The following PRH1 variants were observed in gnomAD, a reference collection of about 807,000 sequenced individuals.
The protein encoded by PRH1 is salivary acidic proline-rich phosphoprotein 1/2.
Under a neutral mutation model 7.9 loss-of-function variants are expected in PRH1, and 7 were observed. The observed-to-expected ratio is 0.89, with a 90% confidence interval of 0.50 to 1.67. The LOEUF (loss-of-function observed/expected upper bound fraction) is 1.67. Among genes scored for constraint, PRH1 ranks in the 40% most tolerant of loss-of-function variants. PRH1 has a pLI of 0.00. For synonymous variants in PRH1, 45 were observed against 80.8 expected (o/e 0.56, Z 2.38); for missense variants, 109 against 223.6 (o/e 0.49, Z 3.27).
At chr12:10,978,073 T>C (rs1939187393) in intron 1 of PRH1, among the ~76,000 whole-genome samples, 1 of 123,198 alleles carries the variant, frequency 8.1e-6, no homozygotes, top group Non-Finnish European at 1.8e-5. Flanking sequence ...AAAGTTCATA[T>C]GGAATAAAAA....
chr12:11,153,014 C>A (rs142634766), intron 1 of PRH1, among the ~76,000 whole-genome samples: 1 of 152,056 alleles, frequency 6.6e-6, no homozygotes, highest in East Asian at 1.9e-4. Flanking sequence ...CTGTTTCCAA[C>A]GGTAAAGGAG....
intron 1 of PRH1, among the ~76,000 whole-genome samples, chr12:11,086,340 G>C (rs1388265959): frequency 3.8e-5 from 1 of 26,044 alleles, no homozygotes; most frequent in East Asian, 2.3e-3. Context: ...CTTAAAAAAC[G>C]TGTTCCATTG....
chr12:10,969,281 G>A (rs775035254), intron 2 of PRH1, among the ~76,000 whole-genome samples: 26 of 152,002 alleles, frequency 1.7e-4, no homozygotes, highest in Admixed American at 3.3e-4. Context: ...TTCTCCTCTC[G>A]ATCTTCAGCC....
intron 2 of PRH1, among the ~76,000 whole-genome samples, chr12:10,907,182 G>C (rs925557341): frequency 3.3e-5 from 5 of 152,034 alleles, no homozygotes; most frequent in African/African-American, 9.7e-5. Flanking sequence ...ATAGAACTCT[G>C]GCAGTTTTTT....
chr12:11,148,255 T>C (rs1946934816), intron 1 of PRH1, among the ~76,000 whole-genome samples: 1 of 151,018 alleles, frequency 6.6e-6, no homozygotes, highest in South Asian at 2.1e-4. Context: ...TGACTTCCTC[T>C]TTTCCTAATT....
chr12:10,972,928 A>ACCCG (rs199859766), intron 2 of PRH1, among the ~76,000 whole-genome samples: 2 of 100,326 alleles, frequency 2.0e-5, no homozygotes, highest in Admixed American at 1.1e-4. Flanking sequence ...AAGCACCACA[A>ACCCG]CCCACCCCCC....
chr12:11,047,025 A>G (rs546703356), exon 1 of PRH1: 14 of 508,668 alleles, frequency 2.8e-5, no homozygotes, highest in Non-Finnish European at 5.7e-5. Flanking sequence ...CTCACCTCAT[A>G]TGGATAGATG....
intron 1 of PRH1, among the ~76,000 whole-genome samples, chr12:11,166,805 C>G (rs552783998): frequency 2.8e-4 from 43 of 152,274 alleles, no homozygotes; most frequent in African/African-American, 9.9e-4. Flanking sequence ...ATTTGTCTTA[C>G]TAAGCTAAAA....
intron 2 of PRH1, chr12:10,964,932 C>T: frequency 9.9e-6 from 6 of 603,468 alleles, no homozygotes; most frequent in South Asian, 8.3e-5. Context: ...AGATGACAAA[C>T]CAAAAATAAC....
intron 1 of PRH1, among the ~76,000 whole-genome samples, chr12:10,990,057 C>T (rs10772401): frequency 0.3 from 46,312 of 151,988 alleles, 8,913 homozygotes; most frequent in East Asian, 0.74. Flanking sequence ...GGAATCACAT[C>T]ACCTGACTTC....
chr12:11,020,363 G>GAGATATATATATAT (rs1565557194), intron 1 of PRH1, among the ~76,000 whole-genome samples: 2 of 87,584 alleles, frequency 2.3e-5, no homozygotes, highest in African/African-American at 7.8e-5. Flanking sequence ...TATGATAAGC[G>GAGATATATATATAT]ATATATATAT....
chr12:11,099,792 A>G (rs748074698), intron 1 of PRH1, among the ~76,000 whole-genome samples: 1 of 152,222 alleles, frequency 6.6e-6, no homozygotes, highest in Non-Finnish European at 1.5e-5. Flanking sequence ...GCAGAAAAAC[A>G]TAACTGATAA....
chr12:11,086,317 T>A (rs1390076342), intron 1 of PRH1, among the ~76,000 whole-genome samples: 3 of 126,436 alleles, frequency 2.4e-5, no homozygotes, highest in African/African-American at 8.2e-5. Context: ...ATTTTATAAC[T>A]ATTCCTCGGA....
In PRH1 at chr12:10,915,474, T is replaced by C. The variant is rs1351703335; in HGVS notation, c.-58-31199A>G. Among the ~76,000 whole-genome samples, 6 of 45,294 alleles carry C rather than the reference T, an allele frequency of 1.3e-4. 1 individual carries two copies. The highest frequency in any genetic ancestry group is 4.0e-4 in the Non-Finnish European group (5 of 12,598). 29.7% of individuals were successfully genotyped at this position (45,294 alleles called of 152,430 possible). A position where few individuals can be genotyped will look rare whatever the true frequency, so the allele number is the denominator to read the frequency against. On this transcript the variant is annotated intron_variant, in intron 2 of 3. Coordinates refer to the PRH1 transcript ENST00000539853. ...GTATGTGAAGCTGACAGGAATTAAG[T>C]AGACTAAAAAATTGAGTTTCTTAAA...
At chr12:10,959,520 G>A (rs116772789) in intron 2 of PRH1, among the ~76,000 whole-genome samples, 2,303 of 152,086 alleles carry the variant, frequency 0.015, 19 homozygotes, top group South Asian at 0.031. Flanking sequence ...TAACTCATAA[G>A]TAATTGATCA....
chr12:11,064,752 T>C (rs1943743215), intron 1 of PRH1, among the ~76,000 whole-genome samples: 1 of 152,128 alleles, frequency 6.6e-6, no homozygotes, highest in African/African-American at 2.4e-5. Context: ...CCTTTTTGCA[T>C]ATTCAATTTA....
intron 1 of PRH1, among the ~76,000 whole-genome samples, chr12:10,883,908 AT>A (rs1164501054): frequency 7.2e-5 from 11 of 152,154 alleles, no homozygotes; most frequent in Admixed American, 2.0e-4. Flanking sequence ...ATGTCTCTAT[AT>A]AATGCAAATC....
At chr12:11,139,348 T>C (rs1946643162) in intron 1 of PRH1, among the ~76,000 whole-genome samples, 3 of 152,196 alleles carry the variant, frequency 2.0e-5, no homozygotes, top group Admixed American at 1.3e-4. Context: ...ATACGTCTTC[T>C]TGTTGATATT....
At chr12:11,065,043 G>C (rs1389967613) in intron 1 of PRH1, among the ~76,000 whole-genome samples, 1 of 151,710 alleles carries the variant, frequency 6.6e-6, no homozygotes, top group African/African-American at 2.4e-5. Flanking sequence ...ACTCCACATA[G>C]AATAATACTG....
Sources: allele counts gnomAD v4.1 joint callset (sites outside exome capture counted in the v4.1 genomes callset), GRCh38; gene constraint gnomAD v4.1.1; transcripts MANE v1.5; gene names NCBI Gene and HGNC (gene_info 2026-07-23, HGNC 2026-07-21).